The following OTUD7A variants were observed in gnomAD, a reference collection of about 807,000 sequenced individuals.
OTUD7A encodes the protein OTU domain-containing protein 7A.
In OTUD7A, 12 loss-of-function variants were observed where a neutral mutation model predicts 65.7. That is an observed-to-expected ratio of 0.18 (90% CI 0.12 to 0.30). The LOEUF is 0.30. Ranked by LOEUF, OTUD7A falls within the 10% of genes least tolerant of loss-of-function variation. The probability of loss-of-function intolerance (pLI) is 1.00; values close to 1 mark genes in which losing one functional copy is unlikely to be tolerated. For missense variants in OTUD7A, 1,148 were observed against 1,304.8 expected (o/e 0.88, Z 1.85); for synonymous variants, 641 against 586.3 (o/e 1.09, Z -1.35).
intron 1 of OTUD7A, among the ~76,000 whole-genome samples, chr15:31,845,906 A>G (rs1897283762): frequency 6.6e-6 from 1 of 152,230 alleles, no homozygotes; most frequent in African/African-American, 2.4e-5. Flanking sequence ...ACGGGACACC[A>G]TGCACAAGAG....
Position 31,862,521 on chromosome 15 carries a change from G to T in OTUD7A, c.-100+7986C>A, listed in dbSNP as rs572556961. ...TCAGAATCATGGCGGGAGGTGAAAGGCACTTCTTACATGGCAGTGGCAAGA... is the reference window on the plus strand; with the variant it reads ...TCAGAATCATGGCGGGAGGTGAAAGTCACTTCTTACATGGCAGTGGCAAGA... On this transcript the variant is annotated intron_variant, in intron 1 of 12. Coordinates refer to ENST00000307050, the MANE Select transcript of OTUD7A (RefSeq NM_001382637.1). 6.6e-5 allele frequency among the ~76,000 whole-genome samples: 10 copies of T among 152,304 alleles called. No homozygotes were observed. The East Asian group carries it at 1.5e-3, about 24-fold the overall frequency.
chr15:31,620,594 C>T (rs1890748613), intron 3 of OTUD7A, among the ~76,000 whole-genome samples: 1 of 148,024 alleles, frequency 6.8e-6, no homozygotes, highest in Non-Finnish European at 1.5e-5. Context: ...GTTTGTATTT[C>T]TGTGGGATCG....
At chr15:31,541,325 A>G (rs1331083327) in intron 5 of OTUD7A, among the ~76,000 whole-genome samples, 1 of 152,226 alleles carries the variant, frequency 6.6e-6, no homozygotes, top group African/African-American at 2.4e-5. Flanking sequence ...TTAAAAACCA[A>G]TGAAAAGATT....
intron 1 of OTUD7A, among the ~76,000 whole-genome samples, chr15:31,676,150 T>C (rs1010571302): frequency 1.3e-5 from 2 of 152,208 alleles, no homozygotes; most frequent in Admixed American, 1.3e-4. Flanking sequence ...CAGAGACACA[T>C]GGACCTGTGG....
At chr15:31,508,991 A>G (rs1373748460) in intron 8 of OTUD7A, among the ~76,000 whole-genome samples, 1 of 152,202 alleles carries the variant, frequency 6.6e-6, no homozygotes, top group African/African-American at 2.4e-5. Flanking sequence ...ATATTTGATA[A>G]TGCTTTTTGT....
rs558089212 is a variant in OTUD7A, at chr15:31,687,267, G to A, written c.-99-30190C>T. On this transcript the variant is annotated intron_variant, in intron 1 of 12. Coordinates refer to ENST00000307050, the MANE Select transcript of OTUD7A (RefSeq NM_001382637.1). ...GGAAGCCGATGGGGGAGTGCACATC[G>A]GGACAGTGTTCGCTGATGAATACTT... Among the ~76,000 whole-genome samples the A allele has an allele frequency of 4.6e-3, 694 of 152,190 alleles. 3 individuals are homozygous for A. Among genetic ancestry groups the A allele is most frequent in the African/African-American group, 0.016 (667 of 41,534 alleles).
intron 10 of OTUD7A, among the ~76,000 whole-genome samples, chr15:31,489,506 G>C (rs1230179832): frequency 6.6e-6 from 1 of 152,154 alleles, no homozygotes. Flanking sequence ...CCGGCCCCAG[G>C]ATTTAGGGGG....
Position 31,767,886 on chromosome 15 carries a change from T to C in OTUD7A, c.-100+102621A>G, listed in dbSNP as rs1003693983. On this transcript the variant is annotated intron_variant, in intron 1 of 12. Coordinates refer to ENST00000307050, the MANE Select transcript of OTUD7A (RefSeq NM_001382637.1). Reference sequence around the variant, plus strand: ...CGTGGTAGAGTTTTAAGTGGCAACGTTGCAGGAAATCTGAAGAGCTGGTTG... The same window carrying C: ...CGTGGTAGAGTTTTAAGTGGCAACGCTGCAGGAAATCTGAAGAGCTGGTTG... 4 of 1,411,324 alleles carry C rather than the reference T, an allele frequency of 2.8e-6. No homozygotes were observed. The South Asian group carries it at 4.6e-5, about 16-fold the overall frequency. The allele number at this position is 1,411,324 out of a possible 1,614,324, so 87.4% of individuals were successfully genotyped here. A position where few individuals can be genotyped will look rare whatever the true frequency, so the allele number is the denominator to read the frequency against.
At chr15:31,804,997 A>G (rs933572707) in intron 1 of OTUD7A, among the ~76,000 whole-genome samples, 2 of 152,250 alleles carry the variant, frequency 1.3e-5, no homozygotes, top group African/African-American at 4.8e-5. Context: ...GGAAGAAGAC[A>G]GGCATCAGAA....
At chr15:31,610,606 TATATA>T (rs1890377043) in intron 3 of OTUD7A, among the ~76,000 whole-genome samples, 5 of 46,768 alleles carry the variant, frequency 1.1e-4, no homozygotes, top group Admixed American at 2.7e-4. Context: ...TATATATATA[TATATA>T]TATATATTTT....
At position 31,786,107 on chromosome 15, in the gene OTUD7A, G is replaced by A. The variant is rs118036272; in HGVS notation, c.-100+84400C>T. 9.2e-5 allele frequency among the ~76,000 whole-genome samples: 14 copies of A among 152,166 alleles called. No homozygotes were observed. The East Asian group carries it at 1.2e-3, about 13-fold the overall frequency. ...CTCAGCCCTCTCGCCATATGATGCC[G>A]TGCGCCACCTGGGGACTCTGCAGAG... On this transcript the variant is annotated intron_variant, in intron 1 of 12. Coordinates refer to ENST00000307050, the MANE Select transcript of OTUD7A (RefSeq NM_001382637.1).
intron 1 of OTUD7A, among the ~76,000 whole-genome samples, chr15:31,867,175 T>C (rs1897899340): frequency 6.6e-6 from 1 of 152,180 alleles, no homozygotes; most frequent in South Asian, 2.1e-4. Context: ...CCAGGGAACA[T>C]GTGGTTGAAT....
chr15:31,714,066 G>C (rs4312274), intron 1 of OTUD7A, among the ~76,000 whole-genome samples: 2,105 of 147,396 alleles, frequency 0.014, 60 homozygotes, highest in African/African-American at 0.05. Context: ...AAAACCGCTT[G>C]GCAGAATCTA....
At chr15:31,812,050 A>C (rs1896432318) in intron 1 of OTUD7A, among the ~76,000 whole-genome samples, 1 of 152,212 alleles carries the variant, frequency 6.6e-6, no homozygotes, top group Admixed American at 6.5e-5. Flanking sequence ...GGTGGTGACC[A>C]GAGCAAGGCC....
At chr15:31,780,272 G>A (rs528926679) in intron 1 of OTUD7A, among the ~76,000 whole-genome samples, 77 of 152,060 alleles carry the variant, frequency 5.1e-4, no homozygotes, top group Middle Eastern at 3.4e-3. Flanking sequence ...AAACTAGCTC[G>A]TATTTTATTT....
intron 1 of OTUD7A, among the ~76,000 whole-genome samples, chr15:31,848,895 C>T (rs957274083): frequency 6.6e-6 from 1 of 152,218 alleles, no homozygotes; most frequent in Admixed American, 6.5e-5. Flanking sequence ...TATGGATCCA[C>T]ATCCCAAGCT....
At chr15:31,658,847 G>C (rs1892069134) in intron 1 of OTUD7A, among the ~76,000 whole-genome samples, 1 of 150,552 alleles carries the variant, frequency 6.6e-6, no homozygotes, top group African/African-American at 2.4e-5. Context: ...GGCCAACATG[G>C]TGAAACCCCG....
intron 1 of OTUD7A, among the ~76,000 whole-genome samples, chr15:31,692,952 T>G (rs1892990959): frequency 1.3e-5 from 2 of 151,264 alleles, no homozygotes; most frequent in African/African-American, 2.5e-5. Context: ...TTTTCCTGGC[T>G]TTATCTCTTG....
intron 5 of OTUD7A, chr15:31,557,782 CTACAGG>C (rs1888546990): frequency 6.6e-6 from 1 of 152,218 alleles, no homozygotes; most frequent in Non-Finnish European, 1.5e-5. Flanking sequence ...TCATACCAAC[CTACAGG>C]TACTTCTCTC....
Sources: allele counts gnomAD v4.1 joint callset (sites outside exome capture counted in the v4.1 genomes callset), GRCh38; gene constraint gnomAD v4.1.1; transcripts MANE v1.5; gene names NCBI Gene and HGNC (gene_info 2026-07-23, HGNC 2026-07-21).